WDR7: variants seen among roughly 807,000 people sequenced by gnomAD.
The protein encoded by WDR7 is WD repeat-containing protein 7.
Under a neutral mutation model 169.4 loss-of-function variants are expected in WDR7, and 46 were observed. That is an observed-to-expected ratio of 0.27 (90% CI 0.21 to 0.35). The LOEUF (loss-of-function observed/expected upper bound fraction) is 0.35. WDR7 is among the 10% of genes least tolerant of loss of function. WDR7 has a pLI of 1.00. For synonymous variants in WDR7, 612 were observed against 666.8 expected, an observed-to-expected ratio of 0.92 and a Z score of 1.27; for missense variants, 1,534 against 1,859.3, an observed-to-expected ratio of 0.83 and a Z score of 3.22.
chr18:56,958,419 A>G (rs1335760441), intron 25 of WDR7, among the ~76,000 whole-genome samples: 1 of 152,120 alleles, frequency 6.6e-6, no homozygotes, highest in Non-Finnish European at 1.5e-5. Context: ...TTTTATTGAA[A>G]TTTGTGTGTG....
At chr18:56,894,550 G>T (rs1318384888) in intron 21 of WDR7, among the ~76,000 whole-genome samples, 1 of 151,938 alleles carries the variant, frequency 6.6e-6, no homozygotes, top group East Asian at 1.9e-4. Context: ...CCTGCAAACT[G>T]CTGCCTTTCC....
intron 21 of WDR7, among the ~76,000 whole-genome samples, chr18:56,913,725 G>T (rs1384216607): frequency 6.6e-6 from 1 of 151,970 alleles, no homozygotes; most frequent in Non-Finnish European, 1.5e-5. Flanking sequence ...AGCCCAGTAG[G>T]TATAGGCTGC....
intron 20 of WDR7, among the ~76,000 whole-genome samples, chr18:56,875,773 G>A (rs1283441482): frequency 6.6e-6 from 1 of 152,154 alleles, no homozygotes; most frequent in Non-Finnish European, 1.5e-5. Flanking sequence ...TTACTTAACT[G>A]TATTAATTTT....
At chr18:56,671,833 T>G (rs2025142564) in intron 1 of WDR7, among the ~76,000 whole-genome samples, 1 of 152,196 alleles carries the variant, frequency 6.6e-6, no homozygotes, top group Admixed American at 6.5e-5. Flanking sequence ...TTAATGGAGT[T>G]TATATATGTA....
chr18:56,868,910 AC>A (rs1166766981), intron 20 of WDR7, among the ~76,000 whole-genome samples: 2 of 152,152 alleles, frequency 1.3e-5, no homozygotes, highest in Admixed American at 1.3e-4. Context: ...ACTTGGGATT[AC>A]TAAAATCTCA....
chr18:56,695,049 G>T lies in WDR7; in HGVS notation c.1208G>T (p.Ser403Ile), dbSNP rs1169391500. ...IIDQLSVIPN[S>I]NEPLKVTASV... is the part of the protein sequence containing the mutation. ...GATCAGCTGAGTGTGATTCCCAATA[G>T]TAATGAACCTCTTAAAGTAACTGCA... The change falls in exon 11 of 28, where the codon AGT (serine) becomes ATT (isoleucine). Residue 403 changes from serine to isoleucine, a missense_variant. Ser to Ile is a moderately radical substitution (Grantham distance 142, BLOSUM62 -2). Transcript: ENST00000254442. 3 of 1,614,028 alleles carry T rather than the reference G, an allele frequency of 1.9e-6. No homozygotes were observed. Among genetic ancestry groups the T allele is most frequent in the Non-Finnish European group, 2.5e-6 (3 of 1,180,030 alleles).
intron 20 of WDR7, among the ~76,000 whole-genome samples, chr18:56,838,213 T>A (rs34691746): frequency 0.022 from 3,281 of 152,310 alleles, 156 homozygotes; most frequent in Admixed American, 0.11. Context: ...TATTATTATT[T>A]TTTTTTTGCC....
At chr18:56,763,133 G>A (rs1471459567) in intron 16 of WDR7, among the ~76,000 whole-genome samples, 3 of 151,838 alleles carry the variant, frequency 2.0e-5, no homozygotes, top group African/African-American at 7.3e-5. Context: ...CTAATTTTTT[G>A]TATTTTTAGT....
intron 14 of WDR7, chr18:56,753,309 A>G (rs1054251027): frequency 2.0e-5 from 3 of 152,134 alleles, no homozygotes; most frequent in Non-Finnish European, 2.9e-5. Context: ...TCTAAACACC[A>G]CTACACTTGG....
At position 56,756,720 on chromosome 18, in the gene WDR7, G is replaced by C. The variant is rs377518472; in HGVS notation, c.2127G>C (p.Arg709Ser). The C allele has an allele frequency of 1.2e-5, 19 of 1,614,156 alleles. No individual in the cohort carries two copies. In the African/African-American group the frequency reaches 2.3e-4, roughly 19 times the overall value. ...AACTCCTGACTGAAGAAGCCTCTAG[G>C]CCGAATACTGCTCTTATTTCCCCAG... Reference protein sequence around the residue: ...IIQLLTEEASRPNTALISPEN... With the variant: ...IIQLLTEEASSPNTALISPEN... Residue 709 changes from arginine (R) to serine (S), a missense_variant, in exon 15 of 28, where the codon AGG becomes AGC. Arg to Ser is a moderately radical substitution (Grantham distance 110). Transcript: ENST00000254442.
chr18:56,697,838 A>G (rs1387015042), intron 12 of WDR7, among the ~76,000 whole-genome samples: 4 of 152,324 alleles, frequency 2.6e-5, no homozygotes, highest in African/African-American at 9.6e-5. Flanking sequence ...TAAAATATTT[A>G]AAATAATAGA....
intron 14 of WDR7, among the ~76,000 whole-genome samples, chr18:56,745,144 A>G (rs1479031827): frequency 1.3e-5 from 2 of 152,202 alleles, no homozygotes; most frequent in African/African-American, 4.8e-5. Context: ...GTGTTTTGGA[A>G]AATTATAGTT....
At chr18:56,878,746 C>T (rs762417685) in intron 20 of WDR7, among the ~76,000 whole-genome samples, 1 of 152,188 alleles carries the variant, frequency 6.6e-6, no homozygotes, top group Non-Finnish European at 1.5e-5. Context: ...CAGCCAACCA[C>T]TAATCTGCTT....
At chr18:57,020,693 G>A (rs992986744) in intron 26 of WDR7, 52 bp from the exon 27 acceptor site, 1 of 1,547,778 alleles carries the variant, frequency 6.5e-7, no homozygotes, top group African/African-American at 1.4e-5. Flanking sequence ...GTGTGTACTT[G>A]TAATTGTCCT....
intron 21 of WDR7, among the ~76,000 whole-genome samples, chr18:56,900,080 G>GTATATATATATATATATATA (rs772841290): frequency 4.6e-4 from 14 of 30,236 alleles, no homozygotes; most frequent in Admixed American, 1.0e-3. Context: ...GTGTGTGTGT[G>GTATATATATATATATATATA]TGTATATATA....
chr18:56,755,120 G>A lies in WDR7; in HGVS notation c.1990-1463G>A, dbSNP rs760208927. Among the ~76,000 whole-genome samples, 18 of 150,530 alleles carry A rather than the reference G, an allele frequency of 1.2e-4. No homozygotes were observed. In the East Asian group the frequency reaches 2.7e-3, roughly 23 times the overall value. On this transcript the variant is annotated intron_variant, in intron 14 of 27. Coordinates refer to ENST00000254442, the MANE Select transcript of WDR7 (RefSeq NM_015285.3). ...TTCTTTTTTTTTTCTTTTGGCAATA[G>A]TATTATTGCTTTTAAGAAATGTTTG...
intron 16 of WDR7, 44 bp downstream of exon 16, chr18:56,758,997 C>G (rs745722055): frequency 9.3e-6 from 14 of 1,511,546 alleles, no homozygotes; most frequent in Non-Finnish European, 1.3e-5. Flanking sequence ...CATTTCAGCT[C>G]TAGAAACTGA....
chr18:56,843,120 C>G (rs1227660612), intron 20 of WDR7, among the ~76,000 whole-genome samples: 1 of 152,124 alleles, frequency 6.6e-6, no homozygotes, highest in Non-Finnish European at 1.5e-5. Flanking sequence ...CCCTTTCTTA[C>G]AAAAATCCAT....
chr18:56,703,800 T>C (rs759064960), intron 12 of WDR7, among the ~76,000 whole-genome samples: 4 of 152,082 alleles, frequency 2.6e-5, no homozygotes, highest in African/African-American at 4.8e-5. Flanking sequence ...GAATGTTGCT[T>C]TAAAGTTTTT....
Sources: allele counts gnomAD v4.1 joint callset (sites outside exome capture counted in the v4.1 genomes callset), GRCh38; gene constraint gnomAD v4.1.1; transcripts MANE v1.5; gene names NCBI Gene and HGNC (gene_info 2026-07-23, HGNC 2026-07-21).